Variants in SPATA7 observed in about 807,000 individuals in gnomAD.
SPATA7 encodes the protein spermatogenesis associated 7.
A neutral mutation model predicts 51.8 loss-of-function variants in SPATA7; 43 were observed. The observed-to-expected ratio is 0.83, with a 90% confidence interval of 0.65 to 1.07. The LOEUF (loss-of-function observed/expected upper bound fraction) is 1.07. Ranked by LOEUF, SPATA7 falls within the 50% of genes least tolerant of loss-of-function variation. The probability of loss-of-function intolerance (pLI) is 0.00; values close to 1 mark genes in which losing one functional copy is unlikely to be tolerated. For missense variants in SPATA7, 683 were observed against 701.3 expected, an observed-to-expected ratio of 0.97 and a Z score of 0.30; for synonymous variants, 230 against 252.8, an observed-to-expected ratio of 0.91 and a Z score of 0.86.
intron 4 of SPATA7, among the ~76,000 whole-genome samples, chr14:88,409,122 G>C (rs2076272297): frequency 6.6e-6 from 1 of 151,944 alleles, no homozygotes; most frequent in African/African-American, 2.4e-5. Context: ...AAATGAGTTA[G>C]AGAGGAGTCC....
intron 7 of SPATA7, chr14:88,427,968 A>G (rs191867200): frequency 2.6e-4 from 89 of 337,714 alleles, no homozygotes; most frequent in African/African-American, 1.7e-3. Context: ...TGGAAGGATC[A>G]GTAAAATACC....
Position 88,469,128 on chromosome 14 carries a change from A to G in SPATA7, c.255-719A>G, listed in dbSNP as rs944977622. 4.5e-6 allele frequency: 7 copies of G among 1,544,246 alleles called. No homozygotes were observed. In the African/African-American group the frequency reaches 6.8e-5, roughly 15 times the overall value. On this transcript the variant is annotated intron_variant, in intron 4 of 4. Transcript: ENST00000556406. The surrounding 1 kb of genome is among the most constrained non-coding windows in gnomAD (Gnocchi z 4.3). Reference sequence around the variant, plus strand: ...GTACTCAAGGATCAAGGCGTATCACATTGTTGACTCAATCTTCATATTCTC... The same window carrying G: ...GTACTCAAGGATCAAGGCGTATCACGTTGTTGACTCAATCTTCATATTCTC...
At chr14:88,450,116 T>A (rs1021698937) in intron 3 of SPATA7, among the ~76,000 whole-genome samples, 12 of 152,094 alleles carry the variant, frequency 7.9e-5, no homozygotes, top group African/African-American at 2.7e-4. Flanking sequence ...ATTCAAGATA[T>A]TCCATCCAAA....
At position 88,429,188 on chromosome 14, in the gene SPATA7, T is replaced by C. The variant is rs1261899765; in HGVS notation, c.913-160T>C. 4.1e-5 allele frequency: 20 copies of C among 484,090 alleles called. No individual in the cohort carries two copies. The East Asian group carries it at 6.2e-4, about 15-fold the overall frequency. 30.0% of individuals were successfully genotyped at this position (484,090 alleles called of 1,614,324 possible). ...ATCTTTAAGTTTAAGAAAAAAGTGC[T>C]GGATGGATAGAAAAATTATTCTAAA... On this transcript the variant is annotated intron_variant, in intron 7 of 11. Coordinates refer to ENST00000393545, the MANE Select transcript of SPATA7 (RefSeq NM_018418.5).
At chr14:88,420,926 C>T (rs2076623656) in intron 5 of SPATA7, among the ~76,000 whole-genome samples, 2 of 151,954 alleles carry the variant, frequency 1.3e-5, no homozygotes, top group Middle Eastern at 3.4e-3. Context: ...CCATCCTGGC[C>T]AACATGGTGA....
intron 3 of SPATA7, 102 bp from the exon 4 acceptor site, chr14:88,396,054 A>G: frequency 1.1e-6 from 1 of 905,392 alleles, no homozygotes; most frequent in Non-Finnish European, 1.8e-6. Context: ...TAGAAGTATG[A>G]TAAACAGCTG....
At chr14:88,418,509 C>G (rs938475532) in intron 5 of SPATA7, among the ~76,000 whole-genome samples, 2 of 152,160 alleles carry the variant, frequency 1.3e-5, no homozygotes, top group African/African-American at 4.8e-5. Context: ...ATGTCTTGCT[C>G]TGTTGCCCAG....
At chr14:88,418,834 C>T (rs1172777207) in intron 5 of SPATA7, among the ~76,000 whole-genome samples, 4 of 152,144 alleles carry the variant, frequency 2.6e-5, no homozygotes, top group Non-Finnish European at 5.9e-5. Flanking sequence ...ATTTCTTAAT[C>T]TCTGTATCTG....
rs769486556 is a variant in SPATA7 at position 88,448,194 on chromosome 14, T to G, written c.178-6866T>G. Among the ~76,000 whole-genome samples the G allele has an allele frequency of 8.6e-3, 1,316 of 152,256 alleles. 9 individuals are homozygous for G. Among genetic ancestry groups the G allele is most frequent in the Non-Finnish European group, 0.015 (1,019 of 68,012 alleles). ...AGGCTTTGCTCGTTTCTTTTTATTC[T>G]TTTTTCTCTAAACTTCCCTTCCCGC... is the stretch of plus-strand genomic sequence containing the variant. On this transcript the variant is annotated intron_variant, in intron 3 of 3. Coordinates refer to the SPATA7 transcript ENST00000554802.
At chr14:88,456,984 G>C (rs771499858), downstream of SPATA7, among the ~76,000 whole-genome samples, 1 of 152,184 alleles carries the variant, frequency 6.6e-6, no homozygotes, top group African/African-American at 2.4e-5. Context: ...AATAGGGAAT[G>C]CTTTCCCCAT....
At chr14:88,386,435 A>G (rs1268866495) in intron 1 of SPATA7, among the ~76,000 whole-genome samples, 1 of 152,212 alleles carries the variant, frequency 6.6e-6, no homozygotes, top group Non-Finnish European at 1.5e-5. Context: ...AATGCAGATT[A>G]TGATTCAGTA....
intron 4 of SPATA7, among the ~76,000 whole-genome samples, chr14:88,464,062 T>C (rs996381779): frequency 6.6e-6 from 1 of 151,910 alleles, no homozygotes; most frequent in Non-Finnish European, 1.5e-5. Context: ...GCTGGTCTCA[T>C]ACTCCTGACA....
At chr14:88,418,432 T>A (rs975740744) in intron 5 of SPATA7, among the ~76,000 whole-genome samples, 1 of 152,182 alleles carries the variant, frequency 6.6e-6, no homozygotes, top group Non-Finnish European at 1.5e-5. Flanking sequence ...ATTTTTATTA[T>A]GTTTCAATTC....
At chr14:88,439,877 T>C, downstream of SPATA7, among the ~76,000 whole-genome samples, 1 of 152,150 alleles carries the variant, frequency 6.6e-6, no homozygotes, top group East Asian at 1.9e-4. Flanking sequence ...CAACCCTTTT[T>C]TGGCACACCT....
At chr14:88,395,728 T>C (rs1261837588) in intron 3 of SPATA7, among the ~76,000 whole-genome samples, 1 of 152,146 alleles carries the variant, frequency 6.6e-6, no homozygotes, top group Non-Finnish European at 1.5e-5. Flanking sequence ...CAGTTGACCA[T>C]ATGTGTGGGT....
At position 88,469,393 on chromosome 14, in the gene SPATA7, G is replaced by T. The variant is rs2077418615; in HGVS notation, c.255-454G>T. ...TTCTTTATGTTAAAACAAGTCCGAAGCTTATATGAGATAACATAAAGGAAA... is the reference window on the plus strand; with the variant it reads ...TTCTTTATGTTAAAACAAGTCCGAATCTTATATGAGATAACATAAAGGAAA... On this transcript the variant is annotated intron_variant, in intron 4 of 4. Coordinates refer to the SPATA7 transcript ENST00000556406. The surrounding 1 kb of genome is among the most constrained non-coding windows in gnomAD (Gnocchi z 4.3). 9.7e-7 allele frequency: 1 copy of T among 1,027,126 alleles called. No individual in the cohort carries two copies. Among genetic ancestry groups the T allele is most frequent in the Non-Finnish European group, 1.4e-6 (1 of 693,864 alleles). The allele number at this position is 1,027,126 out of a possible 1,614,324, so 63.6% of individuals were successfully genotyped here.
chr14:88,420,159 G>A (rs2076601696), intron 5 of SPATA7, among the ~76,000 whole-genome samples: 1 of 152,116 alleles, frequency 6.6e-6, no homozygotes, highest in African/African-American at 2.4e-5. Context: ...AAGAGAAGGT[G>A]GGAAAGGGAT....
intron 10 of SPATA7, among the ~76,000 whole-genome samples, chr14:88,435,800 T>G (rs1036254621): frequency 6.6e-6 from 1 of 152,198 alleles, no homozygotes; most frequent in Non-Finnish European, 1.5e-5. Context: ...ATGGTGTATA[T>G]GTACTACGTT....
intron 4 of SPATA7, among the ~76,000 whole-genome samples, chr14:88,463,857 T>G (rs1323289998): frequency 1.8e-5 from 1 of 56,180 alleles, no homozygotes; most frequent in Non-Finnish European, 3.4e-5. Context: ...TTTTGTTTTG[T>G]TTTTTTTTGA....
Sources: gnomAD v4.1 joint callset for allele counts (sites outside exome capture counted in the v4.1 genomes callset) on GRCh38, gnomAD v4.1.1 for gene constraint, Gnocchi (gnomAD v3.1) non-coding constraint, MANE v1.5 for transcripts, NCBI Gene and HGNC (gene_info 2026-07-23, HGNC 2026-07-21) for gene names.